GALNTL6: variants seen among roughly 807,000 people sequenced by gnomAD.
GALNTL6 encodes the protein polypeptide N-acetylgalactosaminyltransferase like 6.
A neutral mutation model predicts 73.7 loss-of-function variants in GALNTL6; 46 were observed. That is an observed-to-expected ratio of 0.62 (90% CI 0.49 to 0.80). The LOEUF (loss-of-function observed/expected upper bound fraction) is 0.80, where lower values mean the gene tolerates loss of function less well. GALNTL6 is among the 30% of genes least tolerant of loss of function. The probability of loss-of-function intolerance (pLI) is 0.00; values close to 1 mark genes in which losing one functional copy is unlikely to be tolerated. For missense variants in GALNTL6, 604 were observed against 755.0 expected, an observed-to-expected ratio of 0.80 and a Z score of 2.34; for synonymous variants, 259 against 263.7, an observed-to-expected ratio of 0.98 and a Z score of 0.17.
intron 5 of GALNTL6, among the ~76,000 whole-genome samples, chr4:172,807,712 A>G (rs773190421): frequency 1.6e-4 from 25 of 152,214 alleles, no homozygotes; most frequent in Non-Finnish European, 3.1e-4. Context: ...TTTGCTTTTC[A>G]TAGTCTGATC....
intron 5 of GALNTL6, among the ~76,000 whole-genome samples, chr4:172,569,305 C>T (rs1306301953): frequency 6.6e-6 from 1 of 152,072 alleles, no homozygotes; most frequent in East Asian, 1.9e-4. Context: ...GGAGCTCTCG[C>T]AGGTCTCTTT....
chr4:172,323,254 T>C (rs894106446), intron 4 of GALNTL6, among the ~76,000 whole-genome samples: 2 of 152,158 alleles, frequency 1.3e-5, no homozygotes, highest in East Asian at 3.9e-4. Context: ...TGCTTGCATA[T>C]ACTTGGCAGT....
Position 173,041,444 on chromosome 4 carries a change from G to A in GALNTL6, c.*1344G>A, listed in dbSNP as rs1753881687. ...TATCAAGGTGGTTCTTGGGAAAAAA[G>A]AATCATGTTTATTATATATCTCTCA... On this transcript the variant is annotated 3_prime_UTR_variant, in exon 13 of 13. Coordinates refer to ENST00000506823, the MANE Select transcript of GALNTL6 (RefSeq NM_001034845.3). The A allele has an allele frequency of 6.6e-6, 1 of 152,098 alleles. No individual in the cohort carries two copies. Among genetic ancestry groups the A allele is most frequent in the African/African-American group, 2.4e-5 (1 of 41,420 alleles). 9.4% of individuals were successfully genotyped at this position (152,098 alleles called of 1,614,324 possible).
At chr4:172,152,629 G>T (rs1734135605) in intron 2 of GALNTL6, among the ~76,000 whole-genome samples, 1 of 152,128 alleles carries the variant, frequency 6.6e-6, no homozygotes, top group African/African-American at 2.4e-5. Context: ...TTTTTTCTAA[G>T]ACAGGGTTGA....
At chr4:172,488,221 T>G (rs1233016790) in intron 5 of GALNTL6, among the ~76,000 whole-genome samples, 1 of 152,176 alleles carries the variant, frequency 6.6e-6, no homozygotes, top group Non-Finnish European at 1.5e-5. Context: ...ATAAGTTTCA[T>G]TAAACAAAGA....
chr4:171,841,763 T>C (rs1243450956), intron 2 of GALNTL6, among the ~76,000 whole-genome samples: 4 of 152,012 alleles, frequency 2.6e-5, no homozygotes, highest in Non-Finnish European at 5.9e-5. Context: ...AAAAAAACCT[T>C]CTATGCAAAT....
intron 2 of GALNTL6, among the ~76,000 whole-genome samples, chr4:172,177,173 G>A (rs1735028332): frequency 6.6e-6 from 1 of 152,078 alleles, no homozygotes; most frequent in South Asian, 2.1e-4. Flanking sequence ...TACACACATG[G>A]TCTGAGAAGT....
chr4:172,217,325 T>C (rs541802902), intron 2 of GALNTL6, among the ~76,000 whole-genome samples: 4 of 152,180 alleles, frequency 2.6e-5, no homozygotes, highest in African/African-American at 9.6e-5. Context: ...AGGAGTCACA[T>C]TGGAAAGTAA....
intron 2 of GALNTL6, among the ~76,000 whole-genome samples, chr4:171,997,537 C>A (rs901195343): frequency 1.2e-4 from 18 of 151,924 alleles, no homozygotes; most frequent in Admixed American, 5.3e-4. Context: ...AATGCAAAGC[C>A]TATTTTATAA....
chr4:172,055,279 A>T (rs1294048475), intron 2 of GALNTL6, among the ~76,000 whole-genome samples: 1 of 152,160 alleles, frequency 6.6e-6, no homozygotes, highest in Non-Finnish European at 1.5e-5. Context: ...GGAAAGAATC[A>T]GGCTATTTTA....
At chr4:172,214,031 CAG>C (rs1736414628) in intron 2 of GALNTL6, among the ~76,000 whole-genome samples, 1 of 152,136 alleles carries the variant, frequency 6.6e-6, no homozygotes, top group South Asian at 2.1e-4. Flanking sequence ...ATTAATGTAA[CAG>C]ATATCCATTT....
intron 12 of GALNTL6, among the ~76,000 whole-genome samples, chr4:173,037,957 G>A (rs944707029): frequency 6.6e-6 from 1 of 152,184 alleles, no homozygotes; most frequent in African/African-American, 2.4e-5. Flanking sequence ...TGGCCAGACT[G>A]GTCTCGAATT....
At chr4:172,913,660 A>G (rs946220272) in intron 8 of GALNTL6, among the ~76,000 whole-genome samples, 2 of 152,190 alleles carry the variant, frequency 1.3e-5, no homozygotes, top group African/African-American at 2.4e-5. Context: ...AGATCAAATG[A>G]ATGAAATGAA....
At chr4:171,937,756 T>C (rs112851177) in intron 2 of GALNTL6, among the ~76,000 whole-genome samples, 6,456 of 152,160 alleles carry the variant, frequency 0.042, 393 homozygotes, top group African/African-American at 0.14. Flanking sequence ...AAATGAAAAG[T>C]AGCGAAGTAA....
At chr4:172,606,010 G>A (rs888658869) in intron 5 of GALNTL6, among the ~76,000 whole-genome samples, 1 of 113,778 alleles carries the variant, frequency 8.8e-6, no homozygotes, top group Non-Finnish European at 2.1e-5. Flanking sequence ...GTGTGTATGT[G>A]GGCCCCCAGT....
intron 5 of GALNTL6, among the ~76,000 whole-genome samples, chr4:172,400,711 T>G (rs150947562): frequency 6.6e-6 from 1 of 151,958 alleles, no homozygotes; most frequent in East Asian, 1.9e-4. Flanking sequence ...CAGGAGTAAG[T>G]TGATGTTAGG....
intron 5 of GALNTL6, among the ~76,000 whole-genome samples, chr4:172,351,181 G>GTCTGTCTATCTA (rs139731159): frequency 0.039 from 4,828 of 122,498 alleles, 95 homozygotes; most frequent in Non-Finnish European, 0.045. Context: ...ACAATAATCT[G>GTCTGTCTATCTA]TCTATCTATC....
At chr4:172,627,175 C>A (rs188594432) in intron 5 of GALNTL6, among the ~76,000 whole-genome samples, 1 of 152,000 alleles carries the variant, frequency 6.6e-6, no homozygotes, top group Non-Finnish European at 1.5e-5. Context: ...TTCTTCAATG[C>A]CTAGTTTGGT....
At chr4:172,917,960 T>C (rs1747608302) in intron 8 of GALNTL6, among the ~76,000 whole-genome samples, 1 of 152,218 alleles carries the variant, frequency 6.6e-6, no homozygotes, top group African/African-American at 2.4e-5. Flanking sequence ...ATATGTTTAT[T>C]GTGGCACTAT....
Sources: allele counts gnomAD v4.1 joint callset (sites outside exome capture counted in the v4.1 genomes callset), GRCh38; gene constraint gnomAD v4.1.1; transcripts MANE v1.5; gene names NCBI Gene and HGNC (gene_info 2026-07-23, HGNC 2026-07-21).